MIPOL1: variants seen among roughly 807,000 people sequenced by gnomAD.
MIPOL1 encodes the protein mirror-image polydactyly 1, also known as mirror-image polydactyly gene 1 protein.
A neutral mutation model predicts 60.9 loss-of-function variants in MIPOL1; 57 were observed. The observed-to-expected ratio is 0.94, with a 90% CI of 0.76 to 1.17. The LOEUF is 1.17. Among genes scored for constraint, MIPOL1 ranks in the 50% most tolerant of loss-of-function variants. The probability of loss-of-function intolerance (pLI) is 0.00; values close to 1 mark genes in which losing one functional copy is unlikely to be tolerated. For synonymous variants in MIPOL1, 179 were observed against 168.8 expected (o/e 1.06, Z -0.47); for missense variants, 551 against 511.6 (o/e 1.08, Z -0.74).
chr14:37,306,742 A>AG (rs2153432804), intron 7 of MIPOL1, among the ~76,000 whole-genome samples: 1 of 151,888 alleles, frequency 6.6e-6, no homozygotes, highest in African/African-American at 2.4e-5. Flanking sequence ...TAGGTTTTTC[A>AG]ATTGAGATGA....
intron 11 of MIPOL1, among the ~76,000 whole-genome samples, chr14:37,445,482 A>C (rs986659831): frequency 1.3e-5 from 2 of 151,538 alleles, no homozygotes; most frequent in African/African-American, 4.8e-5. Flanking sequence ...AATATCATGA[A>C]AATGGCCATA....
intron 9 of MIPOL1, among the ~76,000 whole-genome samples, chr14:37,349,101 G>A (rs750579255): frequency 7.0e-6 from 1 of 143,310 alleles, no homozygotes; most frequent in Non-Finnish European, 1.5e-5. Flanking sequence ...CGATTCTCCT[G>A]CCTCAGCCTC....
At chr14:37,526,353 G>A (rs2095446236) in intron 12 of MIPOL1, among the ~76,000 whole-genome samples, 1 of 150,448 alleles carries the variant, frequency 6.6e-6, no homozygotes, top group Admixed American at 6.6e-5. Flanking sequence ...AGGCAAAGTG[G>A]ACTTTTACTT....
At chr14:37,291,590 ATT>A (rs1176938038) in intron 7 of MIPOL1, among the ~76,000 whole-genome samples, 1 of 151,600 alleles carries the variant, frequency 6.6e-6, no homozygotes, top group Non-Finnish European at 1.5e-5. Context: ...GGGTAGGAAA[ATT>A]TTCTTCTTTC....
At chr14:37,402,074 T>G (rs982688764) in intron 10 of MIPOL1, among the ~76,000 whole-genome samples, 1 of 152,140 alleles carries the variant, frequency 6.6e-6, no homozygotes, top group Non-Finnish European at 1.5e-5. Flanking sequence ...AAAGCAAAGA[T>G]GATTATTTCC....
At chr14:37,222,781 C>T (rs1049153243) in intron 1 of MIPOL1, among the ~76,000 whole-genome samples, 1 of 152,162 alleles carries the variant, frequency 6.6e-6, no homozygotes, top group East Asian at 1.9e-4. Flanking sequence ...CTAAGCTTTC[C>T]ATTTATGTCA....
chr14:37,248,218 A>G (rs867834825), intron 3 of MIPOL1, among the ~76,000 whole-genome samples: 9 of 152,066 alleles, frequency 5.9e-5, no homozygotes, highest in Non-Finnish European at 1.0e-4. Context: ...ATACAAAGAG[A>G]CAGAGGAGAC....
At chr14:37,293,594 C>T (rs568161054) in intron 7 of MIPOL1, among the ~76,000 whole-genome samples, 10 of 152,282 alleles carry the variant, frequency 6.6e-5, no homozygotes, top group South Asian at 4.1e-4. Context: ...CCTGGAAAAT[C>T]GGATCACTCC....
At chr14:37,308,151 A>G (rs1311657031) in intron 8 of MIPOL1, 62 bp downstream of exon 8, 12 of 1,482,434 alleles carry the variant, frequency 8.1e-6, no homozygotes, top group Admixed American at 3.8e-5. Context: ...CTTAAGTTCA[A>G]TTGAGTGGGT....
intron 12 of MIPOL1, among the ~76,000 whole-genome samples, chr14:37,518,006 A>G: frequency 6.6e-6 from 1 of 152,226 alleles, no homozygotes; most frequent in East Asian, 1.9e-4. Flanking sequence ...CTTAAAAGTG[A>G]CTATAAATAG....
chr14:37,230,775 C>T (rs1359321157), intron 1 of MIPOL1, among the ~76,000 whole-genome samples: 3 of 152,118 alleles, frequency 2.0e-5, no homozygotes, highest in African/African-American at 4.8e-5. Flanking sequence ...GAGTCTATTT[C>T]TCCAGTAGGT....
chr14:37,372,135 G>A (rs1595458224), intron 10 of MIPOL1, among the ~76,000 whole-genome samples: 1 of 151,896 alleles, frequency 6.6e-6, no homozygotes, highest in African/African-American at 2.4e-5. Flanking sequence ...CTTGAGTAGG[G>A]TAAAAACTGA....
rs545098103 is a variant in MIPOL1 at position 37,514,511 on chromosome 14, G to A, written c.1262+14373G>A. On this transcript the variant is annotated intron_variant, in intron 12 of 12. Coordinates refer to ENST00000684589, the MANE Select transcript of MIPOL1 (RefSeq NM_001388067.1). Reference sequence around the variant, plus strand: ...CTCATTAGACTTGATGTAACATATCGTTTAACTTGATACTTTATATAACTC... The same window carrying A: ...CTCATTAGACTTGATGTAACATATCATTTAACTTGATACTTTATATAACTC... Among the ~76,000 whole-genome samples, 5 of 152,036 alleles carry A rather than the reference G, an allele frequency of 3.3e-5. No homozygotes were observed. In the South Asian group the frequency reaches 6.2e-4, roughly 19 times the overall value.
At position 37,220,358 on chromosome 14, in the gene MIPOL1, A is replaced by AGAG. The variant is rs1252913698; in HGVS notation, c.-199+22255_-199+22256insAGG. Among the ~76,000 whole-genome samples, 4 of 152,298 alleles carry AGAG rather than the reference A, an allele frequency of 2.6e-5. No individual in the cohort carries two copies. In the East Asian group the frequency reaches 7.7e-4, roughly 29 times the overall value. ...TTCTTTTTAATGAATTATTTTTTGA[A>AGAG]GTATGACAAACTTCTTCTTTAAGCA... On this transcript the variant is annotated intron_variant, in intron 1 of 12. Transcript: ENST00000684589.
At chr14:37,310,788 A>T (rs1795278288) in intron 9 of MIPOL1, among the ~76,000 whole-genome samples, 1 of 151,048 alleles carries the variant, frequency 6.6e-6, no homozygotes, top group Non-Finnish European at 1.5e-5. Flanking sequence ...CAAGGGCCCG[A>T]CTCCTGGACG....
At chr14:37,500,821 C>G (rs1409098663) in intron 12 of MIPOL1, among the ~76,000 whole-genome samples, 1 of 152,138 alleles carries the variant, frequency 6.6e-6, no homozygotes, top group African/African-American at 2.4e-5. Context: ...AATAGAACCA[C>G]TGTAATAGAA....
intron 1 of MIPOL1, among the ~76,000 whole-genome samples, chr14:37,234,391 G>A (rs1971107829): frequency 7.2e-6 from 1 of 138,534 alleles, no homozygotes; most frequent in South Asian, 2.2e-4. Flanking sequence ...GGATCTTGCT[G>A]TATTGCCCTG....
intron 10 of MIPOL1, among the ~76,000 whole-genome samples, chr14:37,418,324 T>C (rs183600513): frequency 5.9e-5 from 9 of 152,264 alleles, no homozygotes; most frequent in Admixed American, 3.9e-4. Context: ...TAAGCTCCAG[T>C]GAAACAATGT....
At chr14:37,292,943 G>A (rs1242500974) in intron 7 of MIPOL1, among the ~76,000 whole-genome samples, 1 of 152,124 alleles carries the variant, frequency 6.6e-6, no homozygotes, top group Non-Finnish European at 1.5e-5. Context: ...TAGAGGTTCT[G>A]TCTTCTGCCT....
Sources: allele counts gnomAD v4.1 joint callset (sites outside exome capture counted in the v4.1 genomes callset), GRCh38; gene constraint gnomAD v4.1.1; transcripts MANE v1.5; gene names NCBI Gene and HGNC (gene_info 2026-07-23, HGNC 2026-07-21).